Variants in ARHGEF38 observed in about 807,000 individuals in gnomAD.
The protein encoded by ARHGEF38 is Rho guanine nucleotide exchange factor (GEF) 38.
A neutral mutation model predicts 79.9 loss-of-function variants in ARHGEF38; 79 were observed. The ratio of observed to expected loss-of-function variants is 0.99; its 90% CI spans 0.82 to 1.19. The LOEUF is 1.19. Ranked by LOEUF, ARHGEF38 falls within the 50% of genes most tolerant of loss-of-function variation. The pLI, the probability that ARHGEF38 is intolerant of heterozygous loss-of-function variation, is 0.00. For missense variants in ARHGEF38, 962 were observed against 907.2 expected, an observed-to-expected ratio of 1.06 and a Z score of -0.78; for synonymous variants, 366 against 328.3, an observed-to-expected ratio of 1.11 and a Z score of -1.24.
At chr4:105,661,235 G>A (rs1209421223) in intron 10 of ARHGEF38, among the ~76,000 whole-genome samples, 1 of 152,010 alleles carries the variant, frequency 6.6e-6, no homozygotes, top group Non-Finnish European at 1.5e-5. Flanking sequence ...GTCAGTTGAC[G>A]GGCATTTGGG....
intron 3 of ARHGEF38, among the ~76,000 whole-genome samples, chr4:105,622,971 C>T (rs1051687293): frequency 3.3e-5 from 5 of 152,106 alleles, no homozygotes; most frequent in Admixed American, 1.3e-4. Flanking sequence ...GGGTGTGTTA[C>T]CAGTCCAAAT....
chr4:105,665,366 G>T (rs889616372), intron 10 of ARHGEF38, among the ~76,000 whole-genome samples: 2 of 151,850 alleles, frequency 1.3e-5, no homozygotes, highest in Non-Finnish European at 2.9e-5. Flanking sequence ...GCGTGGTGAT[G>T]CGTGGCTATA....
Position 105,677,865 on chromosome 4 carries a change from G to GCAA in ARHGEF38, c.2262_2263insCAA (p.Trp754_Trp755insGln). ...GTGACCTAAGTGGCAATAAAGAGTGGTGGTTAGCTGAAGCTCAAGGGCAGA... is the reference window on the plus strand; with the variant it reads ...GTGACCTAAGTGGCAATAAAGAGTGGCAATGGTTAGCTGAAGCTCAAGGGCAGA... On this transcript the variant is annotated inframe_insertion, in exon 14 of 14. Coordinates refer to ENST00000420470, the MANE Select transcript of ARHGEF38 (RefSeq NM_001242729.2). 2 of 1,535,140 alleles carry GCAA rather than the reference G, an allele frequency of 1.3e-6. No individual in the cohort carries two copies. Among genetic ancestry groups the GCAA allele is most frequent in the Non-Finnish European group, 1.7e-6 (2 of 1,146,180 alleles).
intron 9 of ARHGEF38, among the ~76,000 whole-genome samples, chr4:105,658,290 T>C (rs1730419392): frequency 6.6e-6 from 1 of 152,266 alleles, no homozygotes; most frequent in Admixed American, 6.5e-5. Flanking sequence ...ATTCCTGTAG[T>C]CCTAGCTATT....
At chr4:105,622,898 C>T (rs1219751730) in intron 3 of ARHGEF38, among the ~76,000 whole-genome samples, 1 of 152,178 alleles carries the variant, frequency 6.6e-6, no homozygotes, top group Non-Finnish European at 1.5e-5. Context: ...ACAAACACAC[C>T]TTTGCACACA....
intron 3 of ARHGEF38, among the ~76,000 whole-genome samples, chr4:105,620,606 C>T (rs1728699534): frequency 6.6e-6 from 1 of 152,144 alleles, no homozygotes; most frequent in Non-Finnish European, 1.5e-5. Context: ...GTTTTTCAAA[C>T]AAGTCAGATT....
intron 13 of ARHGEF38, among the ~76,000 whole-genome samples, chr4:105,676,452 C>G (rs1731119751): frequency 6.6e-6 from 1 of 151,846 alleles, no homozygotes. Context: ...GTAAGTTGTC[C>G]AATAAAATAA....
chr4:105,608,821 C>T (rs1053582500), intron 2 of ARHGEF38, among the ~76,000 whole-genome samples: 3 of 151,744 alleles, frequency 2.0e-5, no homozygotes, highest in African/African-American at 7.3e-5. Context: ...AGGTATTAAG[C>T]CTAGTATCCA....
chr4:105,575,242 A>G (rs936541454), intron 1 of ARHGEF38, among the ~76,000 whole-genome samples: 2 of 152,144 alleles, frequency 1.3e-5, no homozygotes, highest in African/African-American at 4.8e-5. Flanking sequence ...ACTATTTTTC[A>G]TAGAGGTTGT....
chr4:105,641,555 G>A (rs993046664), intron 5 of ARHGEF38, among the ~76,000 whole-genome samples: 3 of 152,046 alleles, frequency 2.0e-5, no homozygotes, highest in Non-Finnish European at 4.4e-5. Flanking sequence ...AAAAGTAACA[G>A]CATAAATGCT....
chr4:105,671,343 A>T (rs1355407550), intron 13 of ARHGEF38, among the ~76,000 whole-genome samples: 1 of 152,204 alleles, frequency 6.6e-6, no homozygotes, highest in Non-Finnish European at 1.5e-5. Context: ...AACTTACTGC[A>T]AGATGAGGAA....
At chr4:105,660,534 G>A (rs1730522005) in intron 10 of ARHGEF38, among the ~76,000 whole-genome samples, 1 of 151,820 alleles carries the variant, frequency 6.6e-6, no homozygotes, top group African/African-American at 2.4e-5. Context: ...CCACCTTCCG[G>A]GTTCAAGCGA....
chr4:105,668,542 T>A (rs990509834), intron 13 of ARHGEF38, among the ~76,000 whole-genome samples: 1 of 152,202 alleles, frequency 6.6e-6, no homozygotes, highest in East Asian at 1.9e-4. Flanking sequence ...GTATACTTAA[T>A]GGTTCATTCC....
At chr4:105,673,689 A>G (rs1731026690) in intron 13 of ARHGEF38, among the ~76,000 whole-genome samples, 2 of 152,172 alleles carry the variant, frequency 1.3e-5, no homozygotes, top group Admixed American at 1.3e-4. Context: ...ACAAAAATGG[A>G]AGGAAGGAAA....
intron 5 of ARHGEF38, among the ~76,000 whole-genome samples, chr4:105,639,105 C>T (rs1729516292): frequency 6.6e-6 from 1 of 151,888 alleles, no homozygotes; most frequent in South Asian, 2.1e-4. Context: ...ATCTTTATAA[C>T]TTGTAATGTA....
intron 7 of ARHGEF38, among the ~76,000 whole-genome samples, chr4:105,650,859 A>G (rs1221499855): frequency 2.6e-5 from 4 of 152,320 alleles, no homozygotes; most frequent in East Asian, 3.9e-4. Context: ...TAATGTAAGA[A>G]GTTGGGGACA....
At chr4:105,600,812 C>T (rs1228753571) in intron 2 of ARHGEF38, among the ~76,000 whole-genome samples, 1 of 152,160 alleles carries the variant, frequency 6.6e-6, no homozygotes, top group African/African-American at 2.4e-5. Context: ...TCCAGTTGCT[C>T]AGGCAAAAAT....
At chr4:105,658,043 T>G (rs1234430407) in intron 9 of ARHGEF38, among the ~76,000 whole-genome samples, 1 of 152,148 alleles carries the variant, frequency 6.6e-6, no homozygotes, top group African/African-American at 2.4e-5. Flanking sequence ...GATGATCAGG[T>G]TATGTCATGA....
chr4:105,618,038 C>T (rs1472862650), intron 3 of ARHGEF38, among the ~76,000 whole-genome samples: 1 of 151,866 alleles, frequency 6.6e-6, no homozygotes, highest in Non-Finnish European at 1.5e-5. Context: ...TGAAAGAAAA[C>T]AATTCAAATG....
Sources: allele counts gnomAD v4.1 joint callset (sites outside exome capture counted in the v4.1 genomes callset), GRCh38; gene constraint gnomAD v4.1.1; transcripts MANE v1.5; gene names NCBI Gene and HGNC (gene_info 2026-07-23, HGNC 2026-07-21).